The following GALNT13 variants were observed in gnomAD, a reference collection of about 807,000 sequenced individuals.
The protein encoded by GALNT13 is polypeptide N-acetylgalactosaminyltransferase 13.
Under a neutral mutation model 64.2 loss-of-function variants are expected in GALNT13, and 28 were observed. That is an observed-to-expected ratio of 0.44 (90% CI 0.32 to 0.60). The LOEUF is 0.60. Ranked by LOEUF, GALNT13 falls within the 20% of genes least tolerant of loss-of-function variation. GALNT13 has a pLI of 0.05. For missense variants in GALNT13, 577 were observed against 669.8 expected (o/e 0.86, Z 1.53); for synonymous variants, 214 against 224.6 (o/e 0.95, Z 0.42).
At chr2:153,551,111 G>A in the GALNT13 span, among the ~76,000 whole-genome samples, 13 of 152,238 alleles carry the variant, frequency 8.5e-5, no homozygotes, top group East Asian at 2.5e-3. Context: ...GCCCTTTAAA[G>A]CTGTCCTACA....
At chr2:154,385,600 T>G (rs1018373071) in intron 9 of GALNT13, among the ~76,000 whole-genome samples, 1 of 151,980 alleles carries the variant, frequency 6.6e-6, no homozygotes, top group East Asian at 1.9e-4. Context: ...CAAGTAACAA[T>G]AATAATAGAT....
At chr2:153,960,535 C>T (rs1692871734) in intron 3 of GALNT13, among the ~76,000 whole-genome samples, 1 of 152,142 alleles carries the variant, frequency 6.6e-6, no homozygotes, top group African/African-American at 2.4e-5. Flanking sequence ...CACATTTATA[C>T]CCATTTTTAA....
chr2:153,656,339 T>TGTGTGC, the GALNT13 span, among the ~76,000 whole-genome samples: 1,140 of 141,554 alleles, frequency 8.1e-3, 8 homozygotes, highest in Non-Finnish European at 0.013. Context: ...TGTGTGTGTG[T>TGTGTGC]GCGCGCGCAC....
intron 3 of GALNT13, among the ~76,000 whole-genome samples, chr2:154,104,951 G>A (rs1217458170): frequency 6.6e-6 from 1 of 152,142 alleles, no homozygotes; most frequent in African/African-American, 2.4e-5. Flanking sequence ...CTGCCCCCAA[G>A]AAGTTCTCAA....
chr2:153,437,981 G>T, the GALNT13 span, among the ~76,000 whole-genome samples: 1 of 152,204 alleles, frequency 6.6e-6, no homozygotes, highest in East Asian at 1.9e-4. Flanking sequence ...TCCTTTCCAT[G>T]TTTAGTGCTT....
chr2:154,172,673 C>T (rs529870312), intron 4 of GALNT13, among the ~76,000 whole-genome samples: 4 of 151,290 alleles, frequency 2.6e-5, no homozygotes, highest in African/African-American at 7.3e-5. Context: ...TGTGTGTATG[C>T]GCATACATAC....
At chr2:154,407,877 T>C (rs1699624270) in intron 10 of GALNT13, among the ~76,000 whole-genome samples, 1 of 152,102 alleles carries the variant, frequency 6.6e-6, no homozygotes, top group East Asian at 1.9e-4. Flanking sequence ...TACTTGGCCA[T>C]GAGGTTCTGC....
At chr2:154,303,855 T>A (rs1442218820) in intron 9 of GALNT13, among the ~76,000 whole-genome samples, 1 of 151,950 alleles carries the variant, frequency 6.6e-6, no homozygotes, top group Non-Finnish European at 1.5e-5. Context: ...GCCTCCCGGT[T>A]CAAGGGATTC....
At chr2:154,073,999 G>C (rs1011879759) in intron 3 of GALNT13, among the ~76,000 whole-genome samples, 2 of 151,676 alleles carry the variant, frequency 1.3e-5, no homozygotes, top group African/African-American at 4.8e-5. Context: ...GATAATAAAA[G>C]TATTTGATAT....
the GALNT13 span, among the ~76,000 whole-genome samples, chr2:153,739,072 G>A: frequency 1.3e-5 from 2 of 151,856 alleles, no homozygotes; most frequent in Non-Finnish European, 2.9e-5. Context: ...GAATGTAATA[G>A]TACATTTCTC....
At chr2:153,267,302 G>C in the GALNT13 span, among the ~76,000 whole-genome samples, 2 of 152,134 alleles carry the variant, frequency 1.3e-5, no homozygotes, top group Admixed American at 1.3e-4. Context: ...CTGTGTGGGG[G>C]CTCCACCCCA....
At chr2:153,620,736 T>G in the GALNT13 span, among the ~76,000 whole-genome samples, 1 of 152,054 alleles carries the variant, frequency 6.6e-6, no homozygotes, top group Non-Finnish European at 1.5e-5. Flanking sequence ...GTCCTATATC[T>G]CTGTTTCTCC....
At position 154,287,403 on chromosome 2, in the gene GALNT13, T is replaced by C. The variant is rs977052465; in HGVS notation, c.976-14006T>C. The C allele has an allele frequency of 1.1e-5, 5 of 475,452 alleles. No individual in the cohort carries two copies. The East Asian group carries it at 1.7e-4, about 17-fold the overall frequency. 29.5% of individuals were successfully genotyped at this position (475,452 alleles called of 1,614,324 possible). A position where few individuals can be genotyped will look rare whatever the true frequency, so the allele number is the denominator to read the frequency against. On this transcript the variant is annotated intron_variant, in intron 8 of 12. Coordinates refer to ENST00000392825, the MANE Select transcript of GALNT13 (RefSeq NM_052917.4). ...ACCTACCTGCCTGTGGGGCAGTCCA[T>C]GCTCCTCCAGCTGCCCCAGTGAGGG...
chr2:154,367,011 T>G (rs553461893), intron 9 of GALNT13, among the ~76,000 whole-genome samples: 2 of 152,294 alleles, frequency 1.3e-5, no homozygotes, highest in African/African-American at 4.8e-5. Context: ...CACTGTGAAA[T>G]GAATGGGTTT....
At chr2:153,185,745 A>G in the GALNT13 span, among the ~76,000 whole-genome samples, 107 of 152,208 alleles carry the variant, frequency 7.0e-4, 1 homozygote, top group African/African-American at 2.3e-3. Context: ...AGGTTGTTCA[A>G]TTTCCATATA....
At chr2:153,402,440 C>T in the GALNT13 span, among the ~76,000 whole-genome samples, 14,232 of 151,240 alleles carry the variant, frequency 0.094, 909 homozygotes, top group Non-Finnish European at 0.14. Context: ...ATCTTTGTGG[C>T]GTTCTCTGTA....
chr2:154,182,853 G>A (rs4664158), intron 4 of GALNT13, among the ~76,000 whole-genome samples: 49,349 of 151,656 alleles, frequency 0.33, 8,345 homozygotes, highest in Admixed American at 0.39. Context: ...ACCAGACTGC[G>A]CCATTTGTTT....
intron 3 of GALNT13, among the ~76,000 whole-genome samples, chr2:153,992,391 G>C (rs1312344090): frequency 6.6e-6 from 1 of 152,114 alleles, no homozygotes; most frequent in Non-Finnish European, 1.5e-5. Context: ...AAATAAAAGT[G>C]AATGTTAGGA....
chr2:153,777,166 G>A, the GALNT13 span, among the ~76,000 whole-genome samples: 1 of 150,082 alleles, frequency 6.7e-6, no homozygotes, highest in Non-Finnish European at 1.5e-5. Flanking sequence ...TATGATTTGT[G>A]GATAGTCAGG....
Sources: allele counts gnomAD v4.1 joint callset (sites outside exome capture counted in the v4.1 genomes callset), GRCh38; gene constraint gnomAD v4.1.1; transcripts MANE v1.5; gene names NCBI Gene and HGNC (gene_info 2026-07-23, HGNC 2026-07-21).